The following NR3C1 variants were observed in gnomAD, a reference collection of about 807,000 sequenced individuals.
The protein encoded by NR3C1 is glucocorticoid receptor.
NR3C1 carries 14 observed loss-of-function variants against 74.0 expected under a neutral mutation model. The ratio of observed to expected loss-of-function variants is 0.19; its 90% CI spans 0.12 to 0.30. The LOEUF (loss-of-function observed/expected upper bound fraction) is 0.30. Ranked by LOEUF, NR3C1 falls within the 10% of genes least tolerant of loss-of-function variation. The pLI is 1.00. For missense variants in NR3C1, 695 were observed against 909.8 expected (o/e 0.76, Z 3.04); for synonymous variants, 308 against 332.5 (o/e 0.93, Z 0.80).
intron 2 of NR3C1, among the ~76,000 whole-genome samples, chr5:143,364,080 C>G (rs1832761864): frequency 6.6e-6 from 1 of 152,106 alleles, no homozygotes; most frequent in Admixed American, 6.5e-5. Flanking sequence ...AAAGTACACA[C>G]CTAAATGCAT....
intron 2 of NR3C1, among the ~76,000 whole-genome samples, chr5:143,356,032 G>A (rs534362644): frequency 1.3e-5 from 2 of 152,098 alleles, no homozygotes; most frequent in Non-Finnish European, 1.5e-5. Context: ...GATCAACAGA[G>A]AAAGAGGAAT....
At chr5:143,406,108 C>T (rs867377137), upstream of NR3C1, among the ~76,000 whole-genome samples, 11 of 151,248 alleles carry the variant, frequency 7.3e-5, no homozygotes, top group Middle Eastern at 3.5e-3. Flanking sequence ...TGTATGTATA[C>T]ATATGTATAC....
intron 2 of NR3C1, among the ~76,000 whole-genome samples, chr5:143,396,183 A>G (rs547927142): frequency 6.6e-6 from 1 of 151,956 alleles, no homozygotes; most frequent in African/African-American, 2.4e-5. Context: ...TGCATTAGTC[A>G]TTTCACACTA....
chr5:143,325,864 T>C (rs1824492667), intron 2 of NR3C1, among the ~76,000 whole-genome samples: 1 of 152,056 alleles, frequency 6.6e-6, no homozygotes, highest in Non-Finnish European at 1.5e-5. Flanking sequence ...AGGAAAGAAA[T>C]AGTTTTTAAA....
intron 2 of NR3C1, among the ~76,000 whole-genome samples, chr5:143,391,300 A>C (rs757498983): frequency 3.3e-5 from 5 of 152,188 alleles, no homozygotes; most frequent in Non-Finnish European, 5.9e-5. Flanking sequence ...TTTTTCAACC[A>C]TTTGATCAAT....
chr5:143,422,693 G>C (rs1751298477), intron 1 of NR3C1, among the ~76,000 whole-genome samples: 1 of 152,210 alleles, frequency 6.6e-6, no homozygotes. Context: ...TAACAGTTCT[G>C]TCAGTGCCTT....
intron 1 of NR3C1, among the ~76,000 whole-genome samples, chr5:143,433,123 T>G (rs1751915330): frequency 6.6e-6 from 1 of 151,894 alleles, no homozygotes; most frequent in Non-Finnish European, 1.5e-5. Flanking sequence ...GGGAGGCTTT[T>G]GGGCAGGGGA....
intron 3 of NR3C1, among the ~76,000 whole-genome samples, chr5:143,312,631 A>T (rs1411512429): frequency 6.6e-6 from 1 of 152,228 alleles, no homozygotes. Context: ...TTTTCAATTC[A>T]CAATGGGTTT....
At chr5:143,404,278 C>G, upstream of NR3C1, 1 of 985,642 alleles carries the variant, frequency 1.0e-6, no homozygotes, top group Non-Finnish European at 1.2e-6. Context: ...GAAACGGTGC[C>G]GCAGCGTCTC....
chr5:143,345,993 T>C (rs1038663021), intron 2 of NR3C1, among the ~76,000 whole-genome samples: 6 of 152,220 alleles, frequency 3.9e-5, no homozygotes, highest in African/African-American at 1.4e-4. Flanking sequence ...GAGAGCTTAC[T>C]GTATGTGGAT....
chr5:143,328,904 G>C (rs33380), intron 2 of NR3C1, among the ~76,000 whole-genome samples: 42,307 of 152,030 alleles, frequency 0.28, 6,148 homozygotes, highest in Non-Finnish European at 0.32. Flanking sequence ...CAAGTCTCTA[G>C]GACGTTCCAA....
intron 2 of NR3C1, among the ~76,000 whole-genome samples, chr5:143,335,535 G>A (rs570441340): frequency 2.6e-5 from 4 of 152,198 alleles, no homozygotes; most frequent in South Asian, 2.1e-4. Flanking sequence ...AAATAAAGTC[G>A]CCATTCTTTT....
At chr5:143,327,913 G>A (rs563444123) in intron 2 of NR3C1, among the ~76,000 whole-genome samples, 1 of 152,350 alleles carries the variant, frequency 6.6e-6, no homozygotes, top group East Asian at 1.9e-4. Flanking sequence ...CCTTTCTGGG[G>A]CCTGGAGGAC....
At chr5:143,368,947 G>A (rs1263012178) in intron 2 of NR3C1, among the ~76,000 whole-genome samples, 1 of 152,102 alleles carries the variant, frequency 6.6e-6, no homozygotes, top group African/African-American at 2.4e-5. Context: ...TAGTGAGAAG[G>A]CTGAGCTTAC....
chr5:143,298,975 T>G (rs1817871348), intron 5 of NR3C1, among the ~76,000 whole-genome samples, 163 bp from the exon 6 acceptor site: 2 of 150,936 alleles, frequency 1.3e-5, no homozygotes, highest in Admixed American at 1.3e-4. Context: ...TTCTGTCATC[T>G]GACACTTTAA....
chr5:143,433,466 A>AATTTATTTATTTAAAT (rs1461822676), intron 1 of NR3C1, among the ~76,000 whole-genome samples: 275 of 133,496 alleles, frequency 2.1e-3, no homozygotes, highest in Middle Eastern at 3.9e-3. Flanking sequence ...ATATATATAT[A>AATTTATTTATTTAAAT]TATATTTAAT....
chr5:143,309,747 GA>G (rs1029056828), intron 4 of NR3C1, among the ~76,000 whole-genome samples: 7 of 151,994 alleles, frequency 4.6e-5, no homozygotes, highest in African/African-American at 1.7e-4. Flanking sequence ...GTCTGATACA[GA>G]AACATTTCCA....
chr5:143,294,036 G>A (rs1816569770), intron 7 of NR3C1: 1 of 985,198 alleles, frequency 1.0e-6, no homozygotes, highest in Non-Finnish European at 1.2e-6. Context: ...TCTTTATCGG[G>A]TTCTCTTGCC....
chr5:143,383,866 G>C (rs1836705383), intron 2 of NR3C1, among the ~76,000 whole-genome samples: 1 of 152,186 alleles, frequency 6.6e-6, no homozygotes, highest in Non-Finnish European at 1.5e-5. Flanking sequence ...AAGTAATTTG[G>C]AAATATCTGT....
Sources: allele counts gnomAD v4.1 joint callset (sites outside exome capture counted in the v4.1 genomes callset), GRCh38; gene constraint gnomAD v4.1.1; transcripts MANE v1.5; gene names NCBI Gene and HGNC (gene_info 2026-07-23, HGNC 2026-07-21).